The following FMN2 variants were observed in gnomAD, a reference collection of about 807,000 sequenced individuals.
The protein encoded by FMN2 is formin-2.
FMN2 carries 51 observed loss-of-function variants against 142.3 expected under a neutral mutation model. That is an observed-to-expected ratio of 0.36 (90% CI 0.29 to 0.45). The LOEUF (loss-of-function observed/expected upper bound fraction) is 0.45. FMN2 is among the 20% of genes least tolerant of loss of function. The pLI, the probability that FMN2 is intolerant of heterozygous loss-of-function variation, is 1.00. For synonymous variants in FMN2, 882 were observed against 869.8 expected, an observed-to-expected ratio of 1.01 and a Z score of -0.25; for missense variants, 1,936 against 2,122.8, an observed-to-expected ratio of 0.91 and a Z score of 1.73.
At chr1:240,122,000 C>T (rs1460024436) in intron 1 of FMN2, among the ~76,000 whole-genome samples, 2 of 151,800 alleles carry the variant, frequency 1.3e-5, no homozygotes, top group Non-Finnish European at 2.9e-5. Flanking sequence ...TGATGCGTTA[C>T]GAACTGCTTC....
At chr1:240,190,329 G>A (rs1463926943) in intron 4 of FMN2, among the ~76,000 whole-genome samples, 4 of 152,124 alleles carry the variant, frequency 2.6e-5, no homozygotes, top group Admixed American at 6.5e-5. Flanking sequence ...TTAAGCACCC[G>A]ACAATGACAT....
chr1:240,252,736 C>T (rs1218793217), intron 6 of FMN2, among the ~76,000 whole-genome samples: 3 of 151,640 alleles, frequency 2.0e-5, no homozygotes, highest in East Asian at 1.9e-4. Context: ...TCTAATGTGC[C>T]GCAGAGAAAA....
At chr1:240,245,281 T>C (rs1668039675) in intron 6 of FMN2, 6 of 328,816 alleles carry the variant, frequency 1.8e-5, no homozygotes, top group South Asian at 1.4e-4. Context: ...ACTGACAGGA[T>C]GAAGGCAGTA....
At chr1:240,306,073 C>T (rs1227417412) in intron 8 of FMN2, among the ~76,000 whole-genome samples, 1 of 151,728 alleles carries the variant, frequency 6.6e-6, no homozygotes, top group African/African-American at 2.4e-5. Context: ...CCTCAACCTC[C>T]TGAGTAGCTG....
chr1:240,424,058 T>C (rs1168671826), intron 15 of FMN2, among the ~76,000 whole-genome samples: 3 of 152,298 alleles, frequency 2.0e-5, no homozygotes, highest in Non-Finnish European at 1.5e-5. Flanking sequence ...TTAAACAAAT[T>C]TATTTCTTTC....
At chr1:240,105,175 C>T (rs2103183865) in intron 1 of FMN2, among the ~76,000 whole-genome samples, 1 of 126,946 alleles carries the variant, frequency 7.9e-6, no homozygotes, top group Non-Finnish European at 1.6e-5. Flanking sequence ...GTGGCGTGAT[C>T]TCGGCTGACT....
At chr1:240,242,006 C>T (rs61209560) in intron 6 of FMN2, among the ~76,000 whole-genome samples, 3,656 of 151,736 alleles carry the variant, frequency 0.024, 139 homozygotes, top group African/African-American at 0.085. Context: ...CCACCACGCC[C>T]GGCTAATTTT....
chr1:240,273,658 G>A (rs970590441), intron 7 of FMN2, among the ~76,000 whole-genome samples: 6 of 149,660 alleles, frequency 4.0e-5, no homozygotes, highest in African/African-American at 1.5e-4. Context: ...GAGGGGAAAG[G>A]CAGAGGGGGC....
At chr1:240,161,694 C>T (rs533718074) in intron 2 of FMN2, among the ~76,000 whole-genome samples, 1 of 152,196 alleles carries the variant, frequency 6.6e-6, no homozygotes, top group African/African-American at 2.4e-5. Context: ...CAGTTAATGA[C>T]TGACAAAAGT....
At chr1:240,326,396 A>C (rs1671172253) in intron 8 of FMN2, among the ~76,000 whole-genome samples, 1 of 152,204 alleles carries the variant, frequency 6.6e-6, no homozygotes, top group Non-Finnish European at 1.5e-5. Context: ...ATATGTGCTG[A>C]ATAGTTTGGG....
At chr1:240,306,510 C>T (rs997411498) in intron 8 of FMN2, among the ~76,000 whole-genome samples, 7 of 152,130 alleles carry the variant, frequency 4.6e-5, no homozygotes, top group African/African-American at 1.7e-4. Flanking sequence ...TAAGTGAGAA[C>T]ATGTGATATG....
At chr1:240,125,541 A>G (rs987704994) in intron 2 of FMN2, among the ~76,000 whole-genome samples, 4 of 152,260 alleles carry the variant, frequency 2.6e-5, no homozygotes, top group Non-Finnish European at 2.9e-5. Flanking sequence ...AGTTGGAACT[A>G]TAATTAGTAT....
intron 11 of FMN2, among the ~76,000 whole-genome samples, chr1:240,332,109 A>G (rs1037052980): frequency 6.6e-6 from 1 of 152,154 alleles, no homozygotes; most frequent in Admixed American, 6.5e-5. Flanking sequence ...TGGAATGTGG[A>G]CACTGCTCTT....
chr1:240,121,735 TAAAAAAAAAAAAAAAA>T lies in FMN2; in HGVS notation c.1616-1428_1616-1413del, dbSNP rs71168898. 1.3e-3 allele frequency among the ~76,000 whole-genome samples: 33 copies of T among 25,676 alleles called. 1 individual carries two copies. Among genetic ancestry groups the T allele is most frequent in the Admixed American group, 9.8e-3 (11 of 1,126 alleles). 16.8% of individuals were successfully genotyped at this position (25,676 alleles called of 152,430 possible). A position where few individuals can be genotyped will look rare whatever the true frequency, so the allele number is the denominator to read the frequency against. The stretch of plus-strand genomic sequence containing the variant: ...CTCTTGCCTTTTTTTAGGGAAATAG[TAAAAAAAAAAAAAAAA>T]AAAAAAAAAAAAAAAGTCCTTAAGT... On this transcript the variant is annotated intron_variant, in intron 1 of 17. Coordinates refer to ENST00000319653, the MANE Select transcript of FMN2 (RefSeq NM_020066.5).
intron 2 of FMN2, chr1:240,144,708 T>G (rs757488551): frequency 1.1e-4 from 141 of 1,304,520 alleles, no homozygotes; most frequent in Non-Finnish European, 1.5e-4. Flanking sequence ...GTGTATGCAT[T>G]CTCATCAATG....
intron 16 of FMN2, among the ~76,000 whole-genome samples, chr1:240,470,827 C>T (rs1057462954): frequency 2.1e-5 from 2 of 93,472 alleles, no homozygotes; most frequent in African/African-American, 6.0e-5. Context: ...TGTCATAGCT[C>T]CCCTTTTTAT....
At chr1:240,470,779 TAATAAAA>T (rs1676782586) in intron 16 of FMN2, among the ~76,000 whole-genome samples, 1 of 152,078 alleles carries the variant, frequency 6.6e-6, no homozygotes, top group South Asian at 2.1e-4. Flanking sequence ...AAAGTCACAG[TAATAAAA>T]AATAAATTTT....
At chr1:240,382,679 A>G (rs1254908407) in intron 14 of FMN2, among the ~76,000 whole-genome samples, 4 of 152,028 alleles carry the variant, frequency 2.6e-5, no homozygotes, top group African/African-American at 9.7e-5. Flanking sequence ...AAAAAAAATG[A>G]CCATACTGTT....
chr1:240,248,078 C>T (rs928789906), intron 6 of FMN2, among the ~76,000 whole-genome samples: 5 of 151,910 alleles, frequency 3.3e-5, no homozygotes, highest in African/African-American at 1.2e-4. Context: ...ATTAATCAAT[C>T]TCTCCTCATC....
Sources: gnomAD v4.1 joint callset for allele counts (sites outside exome capture counted in the v4.1 genomes callset) on GRCh38, gnomAD v4.1.1 for gene constraint, MANE v1.5 for transcripts, NCBI Gene and HGNC (gene_info 2026-07-23, HGNC 2026-07-21) for gene names.